Variants in RELN observed in about 807,000 individuals in gnomAD.
RELN encodes reelin.
Under a neutral mutation model 427.6 loss-of-function variants are expected in RELN, and 108 were observed. That is an observed-to-expected ratio of 0.25 (90% confidence interval 0.22 to 0.30). RELN has a LOEUF of 0.30. Among genes scored for constraint, RELN ranks in the 10% least tolerant of loss-of-function variants. RELN has a pLI of 1.00. For missense variants in RELN, 3,715 were observed against 4,302.8 expected (o/e 0.86, Z 3.82); for synonymous variants, 1,524 against 1,513.4 (o/e 1.01, Z -0.16).
At chr7:103,958,565 T>C (rs957525943) in intron 1 of RELN, among the ~76,000 whole-genome samples, 3 of 152,170 alleles carry the variant, frequency 2.0e-5, no homozygotes, top group African/African-American at 7.2e-5. Context: ...AGTGTGTTTC[T>C]CATTTCAGTG....
intron 57 of RELN, among the ~76,000 whole-genome samples, chr7:103,494,819 C>A (rs1186105592): frequency 6.6e-6 from 1 of 151,792 alleles, no homozygotes. Flanking sequence ...GAAGTTCCAA[C>A]AGGACTAATG....
At chr7:103,661,310 C>T in intron 12 of RELN, 66 bp downstream of exon 12, 3 of 1,499,348 alleles carry the variant, frequency 2.0e-6, no homozygotes, top group Non-Finnish European at 1.9e-6. Flanking sequence ...AATCTTACTT[C>T]CTCAGGAATA....
chr7:103,572,670 G>A (rs1206381827), intron 30 of RELN, among the ~76,000 whole-genome samples: 1 of 151,614 alleles, frequency 6.6e-6, no homozygotes, highest in African/African-American at 2.4e-5. Flanking sequence ...CCGAGTAGCT[G>A]GGACTACAGG....
intron 51 of RELN, 77 bp from the exon 52 acceptor site, chr7:103,503,307 AGCT>A (rs1314747145): frequency 3.2e-6 from 4 of 1,267,332 alleles, no homozygotes; most frequent in South Asian, 2.4e-5. Flanking sequence ...GCAGCAAAAA[AGCT>A]GCTGATCACT....
At chr7:103,589,234 A>G (rs1293301499) in intron 28 of RELN, among the ~76,000 whole-genome samples, 1 of 152,196 alleles carries the variant, frequency 6.6e-6, no homozygotes, top group Non-Finnish European at 1.5e-5. Context: ...TATAAAGCTG[A>G]GTGCAAACAA....
In RELN at chr7:103,573,966, T is replaced by C. The variant is rs1292920235; in HGVS notation, c.4511+126A>G. 1.2e-6 allele frequency: 1 copy of C among 813,572 alleles called. No homozygotes were observed. Among genetic ancestry groups the C allele is most frequent in the East Asian group, 2.7e-5 (1 of 37,624 alleles). The allele number at this position is 813,572 out of a possible 1,614,324, so 50.4% of individuals were successfully genotyped here. A position where few individuals can be genotyped will look rare whatever the true frequency, so the allele number is the denominator to read the frequency against. On this transcript the variant is annotated intron_variant, in intron 30 of 64. Transcript: ENST00000428762. The surrounding 1 kb of genome is among the most constrained non-coding windows in gnomAD (Gnocchi z 4.4). ...CTAAAGTTATCTTCATTTTTACATA[T>C]CATAATCTATATACAGAAACATTAT...
At chr7:103,791,946 A>T (rs1792172362) in intron 3 of RELN, among the ~76,000 whole-genome samples, 1 of 152,170 alleles carries the variant, frequency 6.6e-6, no homozygotes, top group African/African-American at 2.4e-5. Context: ...CCAAAGAAAA[A>T]ATACAAATGG....
rs191685729 is a variant in RELN at position 103,727,555 on chromosome 7, A to C, written c.753+556T>G. Among the ~76,000 whole-genome samples the C allele has an allele frequency of 2.6e-5, 4 of 152,322 alleles. No homozygotes were observed. The East Asian group carries it at 7.7e-4, about 29-fold the overall frequency. ...TCATTTTATATATGATTTGGCAAGC[A>C]AAAGCTGCTAATCAATCTGAAGTAA... On this transcript the variant is annotated intron_variant, in intron 7 of 64. Coordinates refer to ENST00000428762, the MANE Select transcript of RELN (RefSeq NM_005045.4).
chr7:103,947,589 T>C (rs1796246072), intron 1 of RELN, among the ~76,000 whole-genome samples: 1 of 152,190 alleles, frequency 6.6e-6, no homozygotes, highest in Non-Finnish European at 1.5e-5. Flanking sequence ...TGCCTGGGGA[T>C]TTCAGACTTC....
chr7:103,896,341 CAA>C (rs1794960348), intron 2 of RELN, among the ~76,000 whole-genome samples: 1 of 151,990 alleles, frequency 6.6e-6, no homozygotes, highest in African/African-American at 2.4e-5. Flanking sequence ...TACATATTCA[CAA>C]AGAGACTTGT....
At chr7:103,717,776 A>G (rs887846700) in intron 8 of RELN, among the ~76,000 whole-genome samples, 1 of 152,000 alleles carries the variant, frequency 6.6e-6, no homozygotes, top group Non-Finnish European at 1.5e-5. Flanking sequence ...AGGGAGAGTG[A>G]TTCTGGAAAA....
intron 8 of RELN, among the ~76,000 whole-genome samples, chr7:103,703,752 A>G (rs983775499): frequency 2.0e-5 from 3 of 152,046 alleles, no homozygotes; most frequent in African/African-American, 7.2e-5. Flanking sequence ...TGAGGCAGCA[A>G]TTTTTTAAGG....
intron 45 of RELN, among the ~76,000 whole-genome samples, chr7:103,537,556 A>G (rs1830081136): frequency 6.6e-6 from 1 of 152,242 alleles, no homozygotes; most frequent in Admixed American, 6.5e-5. Flanking sequence ...CAGCCTGTAT[A>G]GAAAGTACAA....
At chr7:103,516,431 G>A (rs73416192) in intron 49 of RELN, among the ~76,000 whole-genome samples, 203 of 151,850 alleles carry the variant, frequency 1.3e-3, no homozygotes, top group African/African-American at 4.7e-3. Context: ...GATTACAGGC[G>A]CGCATGCCAA....
chr7:103,874,154 C>T lies in RELN; in HGVS notation c.338-40482G>A, dbSNP rs1013787545. Among the ~76,000 whole-genome samples, 1,001 of 138,478 alleles carry T rather than the reference C, an allele frequency of 7.2e-3. 34 individuals are homozygous for T. Among genetic ancestry groups the T allele is most frequent in the Admixed American group, 0.012 (165 of 13,592 alleles). 90.8% of individuals were successfully genotyped at this position (138,478 alleles called of 152,430 possible). A position where few individuals can be genotyped will look rare whatever the true frequency, so the allele number is the denominator to read the frequency against. ...AGAAAAAGCCTTTGACAAAATTCAA[C>T]AACCCTTCATGCTAAAAACTCTCAA... On this transcript the variant is annotated intron_variant, in intron 2 of 64. Coordinates refer to ENST00000428762, the MANE Select transcript of RELN (RefSeq NM_005045.4).
chr7:103,777,052 T>C (rs1354143612), intron 3 of RELN, among the ~76,000 whole-genome samples: 1 of 152,102 alleles, frequency 6.6e-6, no homozygotes, highest in East Asian at 1.9e-4. Flanking sequence ...ACTTATAGAG[T>C]TGAGACAGAG....
rs757686039 is a variant in RELN at position 103,723,166 on chromosome 7, G to T, written c.779C>A (p.Thr260Lys). ...AATGGAAAATTGGAGGACAGAAGCTGTTGTTGTATTAAGGCCTGTGGTAAT... is the reference window on the plus strand; with the variant it reads ...AATGGAAAATTGGAGGACAGAAGCTTTTGTTGTATTAAGGCCTGTGGTAAT... ...ELITTGLNTT[T>K]ASVLQFSIGS... Residue 260 changes from threonine to lysine, a missense_variant, in exon 8 of 65, where the codon ACA (threonine) becomes AAA (lysine). Coordinates refer to ENST00000428762, the MANE Select transcript of RELN (RefSeq NM_005045.4). The T allele has an allele frequency of 6.3e-7, 1 of 1,596,002 alleles. No homozygotes were observed. Among genetic ancestry groups the T allele is most frequent in the South Asian group, 1.1e-5 (1 of 90,682 alleles).
At chr7:103,637,373 C>T (rs541753735) in intron 17 of RELN, among the ~76,000 whole-genome samples, 4 of 152,186 alleles carry the variant, frequency 2.6e-5, no homozygotes, top group Non-Finnish European at 5.9e-5. Flanking sequence ...TGAAACAAGC[C>T]TTTACAAAGC....
chr7:103,722,481 A>G (rs558157189), intron 8 of RELN, among the ~76,000 whole-genome samples: 3 of 152,284 alleles, frequency 2.0e-5, no homozygotes, highest in South Asian at 4.1e-4. Flanking sequence ...CCCCTAGAAC[A>G]TTTCCTCTGT....
Sources: allele counts gnomAD v4.1 joint callset (sites outside exome capture counted in the v4.1 genomes callset), GRCh38; gene constraint gnomAD v4.1.1; non-coding constraint Gnocchi (gnomAD v3.1); transcripts MANE v1.5; gene names NCBI Gene and HGNC (gene_info 2026-07-23, HGNC 2026-07-21).